The following PRKG1 variants were observed in gnomAD, a reference collection of about 807,000 sequenced individuals.
PRKG1 encodes cGMP-dependent protein kinase 1.
PRKG1 carries 35 observed loss-of-function variants against 88.1 expected under a neutral mutation model. That is an observed-to-expected ratio of 0.40 (90% confidence interval 0.30 to 0.53). PRKG1 has a LOEUF of 0.53. Ranked by LOEUF, PRKG1 falls within the 20% of genes least tolerant of loss-of-function variation. The probability of loss-of-function intolerance (pLI) is 0.59; values close to 1 mark genes in which losing one functional copy is unlikely to be tolerated. For synonymous variants in PRKG1, 303 were observed against 292.5 expected (o/e 1.04, Z -0.37); for missense variants, 540 against 839.8 (o/e 0.64, Z 4.41).
At chr10:51,505,780 G>A (rs147732169) in intron 3 of PRKG1, among the ~76,000 whole-genome samples, 11,823 of 152,182 alleles carry the variant, frequency 0.078, 1,458 homozygotes, top group African/African-American at 0.26. Flanking sequence ...AGTATTCTCT[G>A]ATGGTAGTTT....
intron 5 of PRKG1, among the ~76,000 whole-genome samples, chr10:51,918,077 G>A (rs1179516319): frequency 6.6e-6 from 1 of 152,188 alleles, no homozygotes; most frequent in Non-Finnish European, 1.5e-5. Context: ...AATCCCATCT[G>A]AGTAATAACA....
chr10:51,567,957 T>C (rs1837650585), intron 3 of PRKG1, among the ~76,000 whole-genome samples: 3 of 152,160 alleles, frequency 2.0e-5, no homozygotes, highest in South Asian at 4.2e-4. Context: ...GAGAAAGGTA[T>C]TCTGGGCTGC....
At chr10:51,453,850 A>G (rs1839506821) in intron 2 of PRKG1, among the ~76,000 whole-genome samples, 1 of 152,036 alleles carries the variant, frequency 6.6e-6, no homozygotes, top group Non-Finnish European at 1.5e-5. Flanking sequence ...AGAAAACTCT[A>G]AAGACTCATC....
At chr10:52,077,547 G>A (rs1017215308) in intron 7 of PRKG1, among the ~76,000 whole-genome samples, 1 of 152,108 alleles carries the variant, frequency 6.6e-6, no homozygotes, top group African/African-American at 2.4e-5. Flanking sequence ...TAGAATGTCT[G>A]CAAATGCCAA....
At chr10:51,530,324 T>C (rs530346820) in intron 3 of PRKG1, among the ~76,000 whole-genome samples, 1 of 152,308 alleles carries the variant, frequency 6.6e-6, no homozygotes, top group Non-Finnish European at 1.5e-5. Context: ...ATTTTAAAAT[T>C]ATTAAAGGAA....
chr10:51,847,603 A>AT (rs369379721), intron 4 of PRKG1, among the ~76,000 whole-genome samples: 6,207 of 148,934 alleles, frequency 0.042, 175 homozygotes, highest in South Asian at 0.082. Context: ...TTTAACAATG[A>AT]TTTTTTTTTT....
chr10:52,269,062 A>AT (rs1178471022), intron 10 of PRKG1, among the ~76,000 whole-genome samples: 1 of 150,578 alleles, frequency 6.6e-6, no homozygotes, highest in African/African-American at 2.5e-5. Flanking sequence ...GTGTACAAGT[A>AT]TAAAAAAAAA....
intron 4 of PRKG1, among the ~76,000 whole-genome samples, chr10:51,897,438 G>A (rs1841879099): frequency 1.3e-5 from 2 of 152,036 alleles, no homozygotes. Flanking sequence ...CTAGGTAGAG[G>A]ACATTGTTGA....
At chr10:52,243,864 G>C (rs567941214) in intron 9 of PRKG1, among the ~76,000 whole-genome samples, 1 of 151,938 alleles carries the variant, frequency 6.6e-6, no homozygotes, top group Non-Finnish European at 1.5e-5. Context: ...GTATATTCCC[G>C]TTGGCTATAG....
chr10:51,865,572 G>A (rs1469384874), intron 4 of PRKG1, among the ~76,000 whole-genome samples: 2 of 152,072 alleles, frequency 1.3e-5, no homozygotes, highest in East Asian at 1.9e-4. Flanking sequence ...AGAAAAAAAT[G>A]TAATTATGTA....
chr10:51,675,997 G>A (rs902937959), intron 3 of PRKG1, among the ~76,000 whole-genome samples: 22 of 152,108 alleles, frequency 1.4e-4, no homozygotes, highest in African/African-American at 4.8e-4. Flanking sequence ...ATCAAGACTT[G>A]CACTGTCAGT....
chr10:51,125,189 T>G (rs1012080020), intron 1 of PRKG1, among the ~76,000 whole-genome samples: 2 of 151,950 alleles, frequency 1.3e-5, no homozygotes, highest in Non-Finnish European at 2.9e-5. Context: ...CTGGGCATTT[T>G]GGCATGCAGC....
At chr10:51,550,664 A>G (rs1265847422) in intron 3 of PRKG1, among the ~76,000 whole-genome samples, 1 of 151,976 alleles carries the variant, frequency 6.6e-6, no homozygotes, top group Non-Finnish European at 1.5e-5. Context: ...GAATGGCCTT[A>G]CTTAAAAGAT....
chr10:51,647,041 A>G (rs1223652791), intron 3 of PRKG1, among the ~76,000 whole-genome samples: 1 of 151,882 alleles, frequency 6.6e-6, no homozygotes, highest in Non-Finnish European at 1.5e-5. Context: ...TAAAATATAA[A>G]TTCTTTTTTT....
At chr10:51,901,183 C>T (rs1841971496) in intron 4 of PRKG1, among the ~76,000 whole-genome samples, 1 of 152,286 alleles carries the variant, frequency 6.6e-6, no homozygotes, top group South Asian at 2.1e-4. Flanking sequence ...TTATTCAAGT[C>T]CATCTTTTAA....
chr10:52,086,019 C>T (rs915495321), intron 7 of PRKG1, among the ~76,000 whole-genome samples: 4 of 151,934 alleles, frequency 2.6e-5, no homozygotes, highest in African/African-American at 7.2e-5. Context: ...CTTTTTTTCT[C>T]CCTTTTGTTT....
At chr10:51,504,848 T>C (rs1396455963) in intron 3 of PRKG1, among the ~76,000 whole-genome samples, 3 of 152,298 alleles carry the variant, frequency 2.0e-5, no homozygotes, top group East Asian at 3.9e-4. Context: ...CTGAAGTTGC[T>C]TATCAGCCTA....
At chr10:51,786,860 A>G (rs1838742332) in intron 3 of PRKG1, among the ~76,000 whole-genome samples, 1 of 152,180 alleles carries the variant, frequency 6.6e-6, no homozygotes, top group Admixed American at 6.6e-5. Context: ...CTTAGTCATA[A>G]CTTTCAAGAA....
intron 2 of PRKG1, among the ~76,000 whole-genome samples, chr10:51,425,177 C>T (rs958352806): frequency 1.3e-5 from 2 of 152,128 alleles, no homozygotes; most frequent in Non-Finnish European, 2.9e-5. Context: ...AATTCATGAT[C>T]ATATTCTGAA....
Sources: gnomAD v4.1 joint callset for allele counts (sites outside exome capture counted in the v4.1 genomes callset) on GRCh38, gnomAD v4.1.1 for gene constraint, MANE v1.5 for transcripts, NCBI Gene and HGNC (gene_info 2026-07-23, HGNC 2026-07-21) for gene names.